The following GPR89B variants were observed in gnomAD, a reference collection of about 807,000 sequenced individuals.
GPR89B encodes G protein-coupled receptor 89B.
GPR89B carries 25 observed loss-of-function variants against 52.4 expected under a neutral mutation model. The ratio of observed to expected loss-of-function variants is 0.48; its 90% CI spans 0.35 to 0.67. The LOEUF (loss-of-function observed/expected upper bound fraction) is 0.67, where lower values mean the gene tolerates loss of function less well. GPR89B is among the 30% of genes least tolerant of loss of function. The probability of loss-of-function intolerance (pLI) is 0.01; values close to 1 mark genes in which losing one functional copy is unlikely to be tolerated. For missense variants in GPR89B, 146 were observed against 450.2 expected, an observed-to-expected ratio of 0.32 and a Z score of 6.11; for synonymous variants, 52 against 151.2, an observed-to-expected ratio of 0.34 and a Z score of 4.81.
At chr1:147,982,048 C>A (rs1210873872) in intron 10 of GPR89B, among the ~76,000 whole-genome samples, 1 of 151,074 alleles carries the variant, frequency 6.6e-6, no homozygotes, top group Non-Finnish European at 1.5e-5. Context: ...ATATGTTTAA[C>A]CTTTTTATTT....
downstream of GPR89B, chr1:147,995,558 G>A: frequency 6.3e-7 from 1 of 1,596,588 alleles, no homozygotes; most frequent in Non-Finnish European, 8.6e-7. Context: ...CCATACTCTA[G>A]TAAATTAGAT....
chr1:147,998,600 C>G, the GPR89B span, among the ~76,000 whole-genome samples: 2 of 152,010 alleles, frequency 1.3e-5, no homozygotes, highest in African/African-American at 4.8e-5. Flanking sequence ...GAGATTTTGG[C>G]CGGGCTTGGT....
downstream of GPR89B, chr1:147,994,248 A>T (rs1451242579): frequency 1.2e-5 from 19 of 1,601,662 alleles, no homozygotes; most frequent in Non-Finnish European, 1.5e-5. Flanking sequence ...GATTCCTATT[A>T]AATACCCAGA....
At chr1:147,992,374 T>C in intron 12 of GPR89B, 128 bp from the exon 13 acceptor site, 2 of 727,852 alleles carry the variant, frequency 2.7e-6, no homozygotes, top group South Asian at 3.1e-5. Flanking sequence ...CTTAATCATA[T>C]GAATTGTTCT....
intron 5 of GPR89B, among the ~76,000 whole-genome samples, chr1:147,947,771 T>C (rs1655104445): frequency 6.6e-6 from 1 of 151,996 alleles, no homozygotes; most frequent in South Asian, 2.1e-4. Flanking sequence ...CTGAGTGATA[T>C]TATAGTCAAC....
At chr1:147,939,374 G>A (rs1468457298) in intron 3 of GPR89B, among the ~76,000 whole-genome samples, 2 of 152,170 alleles carry the variant, frequency 1.3e-5, no homozygotes, top group Non-Finnish European at 2.9e-5. Flanking sequence ...TTATTAGACA[G>A]TCTATCCAAA....
downstream of GPR89B, among the ~76,000 whole-genome samples, chr1:147,997,108 CAT>C (rs1397508462): frequency 1.3e-5 from 2 of 152,200 alleles, no homozygotes; most frequent in Non-Finnish European, 2.9e-5. Context: ...TGGGAAATGA[CAT>C]ATCTGACTGA....
At chr1:148,008,513 T>G in the GPR89B span, among the ~76,000 whole-genome samples, 3 of 152,088 alleles carry the variant, frequency 2.0e-5, no homozygotes, top group Non-Finnish European at 4.4e-5. Flanking sequence ...GCTGTATCAC[T>G]TGCCAAATCA....
At chr1:147,932,108 TAC>T (rs1653682219) in intron 1 of GPR89B, among the ~76,000 whole-genome samples, 1 of 152,100 alleles carries the variant, frequency 6.6e-6, no homozygotes, top group South Asian at 2.1e-4. Flanking sequence ...ATTTCCACTA[TAC>T]ATACCACCAT....
At chr1:147,961,822 A>G (rs1656592197) in intron 7 of GPR89B, among the ~76,000 whole-genome samples, 1 of 152,060 alleles carries the variant, frequency 6.6e-6, no homozygotes, top group African/African-American at 2.4e-5. Context: ...ATCAAATAAG[A>G]TATAAATAAA....
At chr1:147,957,704 CT>C in intron 7 of GPR89B, among the ~76,000 whole-genome samples, 1 of 151,510 alleles carries the variant, frequency 6.6e-6, no homozygotes, top group Non-Finnish European at 1.5e-5. Context: ...TTCATATTTC[CT>C]TCTTCAACAC....
At chr1:147,991,980 T>C (rs1465376517) in intron 12 of GPR89B, among the ~76,000 whole-genome samples, 2 of 152,250 alleles carry the variant, frequency 1.3e-5, no homozygotes, top group East Asian at 3.9e-4. Context: ...ATCATCCTGA[T>C]ACCAAAGCCT....
At chr1:147,997,037 G>C (rs1659330410), downstream of GPR89B, among the ~76,000 whole-genome samples, 2 of 152,266 alleles carry the variant, frequency 1.3e-5, no homozygotes, top group South Asian at 4.1e-4. Flanking sequence ...AAAATTGCTA[G>C]TTTCTTTTGA....
intron 1 of GPR89B, among the ~76,000 whole-genome samples, chr1:147,935,360 C>T (rs1367546799): frequency 1.3e-5 from 2 of 152,128 alleles, no homozygotes; most frequent in Non-Finnish European, 2.9e-5. Context: ...ACTGAGTTTA[C>T]ACTTGCTCAG....
the GPR89B span, among the ~76,000 whole-genome samples, chr1:148,015,293 A>C: frequency 4.6e-4 from 32 of 69,876 alleles, no homozygotes; most frequent in Admixed American, 1.4e-3. Context: ...GGATTCTAGG[A>C]TCTCTCTCTC....
chr1:147,998,642 G>A, the GPR89B span, among the ~76,000 whole-genome samples: 5 of 151,850 alleles, frequency 3.3e-5, no homozygotes, highest in South Asian at 1.0e-3. Context: ...CACTTTGGGA[G>A]TACAAGGTGG....
chr1:147,981,472 C>T (rs2149088456), intron 10 of GPR89B, among the ~76,000 whole-genome samples: 1 of 144,088 alleles, frequency 6.9e-6, no homozygotes, highest in South Asian at 2.3e-4. Flanking sequence ...CCACCACACT[C>T]CAGCAGGCAG....
chr1:147,981,710 T>A (rs1421983873), intron 10 of GPR89B, among the ~76,000 whole-genome samples: 1 of 151,856 alleles, frequency 6.6e-6, no homozygotes, highest in Non-Finnish European at 1.5e-5. Flanking sequence ...TGGAGTGCAG[T>A]GGGGTGATCT....
At chr1:147,989,662 A>G (rs1354295297) in intron 12 of GPR89B, among the ~76,000 whole-genome samples, 1 of 151,428 alleles carries the variant, frequency 6.6e-6, no homozygotes, top group Admixed American at 6.6e-5. Flanking sequence ...ATTCCCACCT[A>G]TGAGTGGGAA....
Sources: gnomAD v4.1 joint callset for allele counts (sites outside exome capture counted in the v4.1 genomes callset) on GRCh38, gnomAD v4.1.1 for gene constraint, MANE v1.5 for transcripts, NCBI Gene and HGNC (gene_info 2026-07-23, HGNC 2026-07-21) for gene names.